FAM83B: variants seen among roughly 807,000 people sequenced by gnomAD.
FAM83B encodes the protein protein FAM83B.
A neutral mutation model predicts 38.8 loss-of-function variants in FAM83B; 26 were observed. The observed-to-expected ratio is 0.67, with a 90% CI of 0.49 to 0.93. The LOEUF (loss-of-function observed/expected upper bound fraction) is 0.93. FAM83B is among the 40% of genes least tolerant of loss of function. The pLI, the probability that FAM83B is intolerant of heterozygous loss-of-function variation, is 0.00. For synonymous variants in FAM83B, 419 were observed against 423.1 expected, an observed-to-expected ratio of 0.99 and a Z score of 0.12; for missense variants, 1,237 against 1,197.3, an observed-to-expected ratio of 1.03 and a Z score of -0.49.
chr6:54,874,499 T>C (rs971275683), intron 2 of FAM83B, among the ~76,000 whole-genome samples: 8 of 152,176 alleles, frequency 5.3e-5, no homozygotes, highest in Non-Finnish European at 1.0e-4. Context: ...TCCCAGGTAA[T>C]TATTTGTCTG....
rs140331023 is a variant in FAM83B, at chr6:54,941,156, T to A, written c.2185T>A (p.Ser729Thr). Residue 729 changes from serine to threonine, a missense_variant, in exon 5 of 5, where the codon TCT (serine) becomes ACT (threonine). By Grantham distance (58) the Ser-to-Thr change is moderately conservative. Coordinates refer to ENST00000306858, the MANE Select transcript of FAM83B (RefSeq NM_001010872.3). ...TGAGGAGGAAGTTACCAAGAGAAAC[T>A]CTCCAAGTGGCACTACTACCAAATC... ...EDEEEVTKRN[S>T]PSGTTTKSVS... The A allele has an allele frequency of 2.5e-5, 41 of 1,613,832 alleles. No individual in the cohort carries two copies. In the African/African-American group the frequency reaches 5.2e-4, roughly 20 times the overall value.
At chr6:54,862,238 G>A (rs1028615063) in intron 1 of FAM83B, among the ~76,000 whole-genome samples, 1 of 152,178 alleles carries the variant, frequency 6.6e-6, no homozygotes, top group Admixed American at 6.5e-5. Flanking sequence ...GCCACAGAAG[G>A]CCACGGGTTT....
In FAM83B at chr6:54,927,594, G is replaced by C; in HGVS notation, c.696G>C (p.Leu232Phe). ...KFHGKMEQKF[L>F]LVDCQKVMYG... ...ATGGAAAAATGGAACAGAAATTTTT[G>C]TTAGTTGACTGCCAGAAAGTGATGT... Residue 232 changes from leucine (L) to phenylalanine (F), a missense_variant, in exon 4 of 5, where the codon TTG becomes TTC. Coordinates refer to ENST00000306858, the MANE Select transcript of FAM83B (RefSeq NM_001010872.3). 1 of 1,607,848 alleles carries C rather than the reference G, an allele frequency of 6.2e-7. No homozygotes were observed. Among genetic ancestry groups the C allele is most frequent in the Non-Finnish European group, 8.5e-7 (1 of 1,176,298 alleles).
In FAM83B at chr6:54,870,585, C is replaced by G; in HGVS notation, c.339C>G (p.Pro113=). Residue 113 remains proline, a synonymous_variant, in exon 2 of 5, where the codon CCC becomes CCG. Transcript: ENST00000306858. ...ACTTAGGCTGGCCATATGTGATGCC[C>G]GGACTCTTAGGGGGCACCCATATAG... ...NLDLGWPYVM[P]GLLGGTHIDL... is the part of the protein sequence containing the mutation. 3 of 1,613,836 alleles carry G rather than the reference C, an allele frequency of 1.9e-6. No homozygotes were observed. The highest frequency in any genetic ancestry group is 2.5e-6 in the Non-Finnish European group (3 of 1,179,956).
intron 2 of FAM83B, among the ~76,000 whole-genome samples, chr6:54,876,990 G>C (rs77676286): frequency 0.032 from 4,795 of 152,174 alleles, 105 homozygotes; most frequent in Non-Finnish European, 0.047. Flanking sequence ...TAGTTTGTTG[G>C]AATGGCAAAG....
At position 54,940,195 on chromosome 6, in the gene FAM83B, A is replaced by T. The variant is rs1338743745; in HGVS notation, c.1224A>T (p.Arg408Ser). 1 of 1,613,962 alleles carries T rather than the reference A, an allele frequency of 6.2e-7. No individual in the cohort carries two copies. Among genetic ancestry groups the T allele is most frequent in the African/African-American group, 1.3e-5 (1 of 74,908 alleles). Residue 408 changes from arginine to serine, a missense_variant, in exon 5 of 5, where the codon AGA becomes AGT. Physicochemically the swap from Arg to Ser is moderately radical, Grantham distance 110. Coordinates refer to ENST00000306858, the MANE Select transcript of FAM83B (RefSeq NM_001010872.3). Reference sequence around the variant, plus strand: ...TCCTGCTTAATAGGGCTCTGAATAGAACCAATAATCCACCTGGTAATTGGA... The same window carrying T: ...TCCTGCTTAATAGGGCTCTGAATAGTACCAATAATCCACCTGGTAATTGGA... ...PYLLLNRALN[R>S]TNNPPGNWKK...
intron 2 of FAM83B, among the ~76,000 whole-genome samples, chr6:54,895,152 T>C (rs1382372393): frequency 6.6e-6 from 1 of 150,534 alleles, no homozygotes; most frequent in Non-Finnish European, 1.5e-5. Context: ...TTGTGTAGAT[T>C]CTGTAACTCA....
Position 54,941,793 on chromosome 6 carries a change from G to C in FAM83B, c.2822G>C (p.Cys941Ser), listed in dbSNP as rs1773705941. Residue 941 changes from cysteine to serine, a missense_variant, in exon 5 of 5, where the codon TGT becomes TCT. Physicochemically the swap from Cys to Ser is moderately radical, Grantham distance 112. Coordinates refer to ENST00000306858, the MANE Select transcript of FAM83B (RefSeq NM_001010872.3). ...GTTTACAGTCGTTTTGAGCCGTTTT[G>C]TAAGATTGAGAGCTCTATTCAGCCA... ...RRVYSRFEPF[C>S]KIESSIQPTS... The C allele has an allele frequency of 6.3e-7, 1 of 1,591,144 alleles. No homozygotes were observed. Among genetic ancestry groups the C allele is most frequent in the Non-Finnish European group, 8.6e-7 (1 of 1,165,338 alleles).
chr6:54,936,825 T>A (rs1023482614), intron 4 of FAM83B, among the ~76,000 whole-genome samples: 3 of 151,342 alleles, frequency 2.0e-5, no homozygotes, highest in Non-Finnish European at 4.4e-5. Context: ...ATTCCATTAC[T>A]TGATGTTTCT....
chr6:54,851,775 G>A (rs970631241), intron 1 of FAM83B, among the ~76,000 whole-genome samples: 1 of 145,856 alleles, frequency 6.9e-6, no homozygotes, highest in Admixed American at 6.8e-5. Context: ...AGCCTCCCAA[G>A]TAGCTGGGAC....
At chr6:54,848,330 G>T (rs1448735869) in intron 1 of FAM83B, among the ~76,000 whole-genome samples, 1 of 152,126 alleles carries the variant, frequency 6.6e-6, no homozygotes, top group Admixed American at 6.5e-5. Flanking sequence ...TAGGGTGCTG[G>T]CTACACCCTC....
intron 2 of FAM83B, among the ~76,000 whole-genome samples, chr6:54,897,051 T>C (rs1391388580): frequency 6.6e-6 from 1 of 152,188 alleles, no homozygotes; most frequent in East Asian, 1.9e-4. Flanking sequence ...TGTTTCTGTC[T>C]TGACTTCCCT....
intron 4 of FAM83B, among the ~76,000 whole-genome samples, chr6:54,934,993 C>A (rs1308195678): frequency 6.6e-6 from 1 of 152,158 alleles, no homozygotes; most frequent in Non-Finnish European, 1.5e-5. Flanking sequence ...TAAATACTTT[C>A]ACTTGCTACT....
rs190748686 is a variant in FAM83B, at chr6:54,913,615, G to A, written c.445-12756G>A. ...AACAAAAATAAAAAGAGAAAATTTA[G>A]CAAGAATGTTATATACGAGTTAAAG... On this transcript the variant is annotated intron_variant, in intron 2 of 4. Coordinates refer to ENST00000306858, the MANE Select transcript of FAM83B (RefSeq NM_001010872.3). Among the ~76,000 whole-genome samples the A allele has an allele frequency of 6.8e-3, 1,029 of 151,500 alleles. 7 individuals are homozygous for A. Among genetic ancestry groups the A allele is most frequent in the Non-Finnish European group, 0.012 (843 of 67,798 alleles).
At chr6:54,903,576 C>T (rs1320510397) in intron 2 of FAM83B, among the ~76,000 whole-genome samples, 1 of 152,082 alleles carries the variant, frequency 6.6e-6, no homozygotes, top group African/African-American at 2.4e-5. Flanking sequence ...TGTTTCTTGG[C>T]CACTTATATC....
Position 54,941,762 on chromosome 6 carries a change from C to T in FAM83B, c.2791C>T (p.Arg931Trp), listed in dbSNP as rs753449193. ...SELLRSHSTD[R>W]RVYSRFEPFC... ...GCTTCTACGATCTCATTCAACTGAT[C>T]GGCGTGTTTACAGTCGTTTTGAGCC... Residue 931 changes from arginine to tryptophan, a missense_variant, in exon 5 of 5, where the codon CGG becomes TGG. Coordinates refer to ENST00000306858, the MANE Select transcript of FAM83B (RefSeq NM_001010872.3). 2.5e-5 allele frequency: 41 copies of T among 1,614,044 alleles called. No homozygotes were observed. The highest frequency in any genetic ancestry group is 8.0e-5 in the African/African-American group (6 of 75,026).
chr6:54,925,748 A>G (rs1773273099), intron 2 of FAM83B, among the ~76,000 whole-genome samples: 1 of 151,846 alleles, frequency 6.6e-6, no homozygotes, highest in African/African-American at 2.4e-5. Context: ...CCTGCTTTCC[A>G]TATACGTGGG....
intron 1 of FAM83B, among the ~76,000 whole-genome samples, chr6:54,863,089 T>A (rs918810597): frequency 6.6e-6 from 1 of 152,110 alleles, no homozygotes; most frequent in Non-Finnish European, 1.5e-5. Context: ...ACCTCACAGA[T>A]CTTTTGAGCG....
Position 54,881,923 on chromosome 6 carries a change from C to T in FAM83B, c.444+11233C>T, listed in dbSNP as rs566992714. 9.8e-5 allele frequency among the ~76,000 whole-genome samples: 15 copies of T among 152,322 alleles called. No homozygotes were observed. In the South Asian group the frequency reaches 1.2e-3, roughly 13 times the overall value. On this transcript the variant is annotated intron_variant, in intron 2 of 4. Transcript: ENST00000306858. Reference sequence around the variant, plus strand: ...TGCTATCCCTCCCCCTTCCCCCTGCCGCACGGCAGGCCCCAGTGTGTGATG... The same window carrying T: ...TGCTATCCCTCCCCCTTCCCCCTGCTGCACGGCAGGCCCCAGTGTGTGATG...
Sources: allele counts gnomAD v4.1 joint callset (sites outside exome capture counted in the v4.1 genomes callset), GRCh38; gene constraint gnomAD v4.1.1; transcripts MANE v1.5; gene names NCBI Gene and HGNC (gene_info 2026-07-23, HGNC 2026-07-21).